The following CMKLR2 variants were observed in gnomAD, a reference collection of about 807,000 sequenced individuals.
CMKLR2 encodes the protein chemerin-like receptor 2.
CMKLR2 carries 18 observed loss-of-function variants against 23.0 expected under a neutral mutation model. The observed-to-expected ratio is 0.78, with a 90% CI of 0.54 to 1.16. The LOEUF (loss-of-function observed/expected upper bound fraction) is 1.16, where lower values mean the gene tolerates loss of function less well. CMKLR2 is among the 50% of genes most tolerant of loss of function. The probability of loss-of-function intolerance (pLI) is 0.00; values close to 1 mark genes in which losing one functional copy is unlikely to be tolerated. For missense variants in CMKLR2, 401 were observed against 412.7 expected, an observed-to-expected ratio of 0.97 and a Z score of 0.25; for synonymous variants, 158 against 158.9, an observed-to-expected ratio of 0.99 and a Z score of 0.05.
intron 1 of CMKLR2, among the ~76,000 whole-genome samples, chr2:206,204,332 C>A (rs1355204777): frequency 1.6e-5 from 2 of 123,520 alleles, no homozygotes; most frequent in Admixed American, 2.1e-4. Context: ...CCAGCCTGGG[C>A]GACAGAGCGA....
At chr2:206,186,097 G>A (rs942901892) in intron 1 of CMKLR2, among the ~76,000 whole-genome samples, 5 of 146,284 alleles carry the variant, frequency 3.4e-5, no homozygotes, top group African/African-American at 7.5e-5. Flanking sequence ...TCACAAAACC[G>A]TGTGGGTCTG....
intron 1 of CMKLR2, among the ~76,000 whole-genome samples, 189 bp from the exon 2 acceptor site, chr2:206,177,464 C>T (rs1688270538): frequency 6.6e-6 from 1 of 152,138 alleles, no homozygotes; most frequent in African/African-American, 2.4e-5. Context: ...TTTTGGCTCA[C>T]TGCAGCCTTG....
At chr2:206,192,409 T>C (rs557741179) in intron 1 of CMKLR2, among the ~76,000 whole-genome samples, 1 of 151,492 alleles carries the variant, frequency 6.6e-6, no homozygotes, top group Admixed American at 6.6e-5. Flanking sequence ...ATTTTTATTT[T>C]TCTGTTTATT....
At chr2:206,190,071 T>C (rs919268774) in intron 1 of CMKLR2, among the ~76,000 whole-genome samples, 1 of 152,134 alleles carries the variant, frequency 6.6e-6, no homozygotes, top group Non-Finnish European at 1.5e-5. Context: ...CTGCTGCCAG[T>C]TGGGAGGTGG....
chr2:206,212,268 A>G lies in CMKLR2; in HGVS notation c.-29+1039T>C, dbSNP rs181202872. Among the ~76,000 whole-genome samples, 35 of 152,340 alleles carry G rather than the reference A, an allele frequency of 2.3e-4. No homozygotes were observed. The East Asian group carries it at 5.8e-3, about 25-fold the overall frequency. ...TAAACTAAATGACTTAAATCAGATA[A>G]AATCATAAAATAGGCCATGAAAAAC... is the stretch of plus-strand genomic sequence containing the variant. On this transcript the variant is annotated intron_variant, in intron 1 of 1. Transcript: ENST00000621141.
rs201447036 is a variant in CMKLR2, at chr2:206,211,771, AG to A, written c.-29+1535del. Among the ~76,000 whole-genome samples, 1,108 of 144,478 alleles carry A rather than the reference AG, an allele frequency of 7.7e-3. 11 individuals are homozygous for A. The highest frequency in any genetic ancestry group is 0.023 in the African/African-American group (883 of 39,146). 94.8% of individuals were successfully genotyped at this position (144,478 alleles called of 152,430 possible). On this transcript the variant is annotated intron_variant, in intron 1 of 1. Transcript: ENST00000621141. ...ACAAAAAAACACACACATTAAAAAA[AG>A]AAAAAGAAAAAAAGATGGCATATAA...
At chr2:206,195,902 C>T (rs184990097) in intron 1 of CMKLR2, among the ~76,000 whole-genome samples, 40 of 151,618 alleles carry the variant, frequency 2.6e-4, no homozygotes, top group Non-Finnish European at 4.4e-5. Context: ...TGCAGTGAGC[C>T]GAGATCACAC....
At chr2:206,187,401 G>A (rs563775984) in intron 1 of CMKLR2, among the ~76,000 whole-genome samples, 1 of 152,224 alleles carries the variant, frequency 6.6e-6, no homozygotes, top group Non-Finnish European at 1.5e-5. Flanking sequence ...CTTACAGGTA[G>A]GAATTGACAG....
At position 206,201,320 on chromosome 2, in the gene CMKLR2, TC is replaced by T. The variant is rs1689088916; in HGVS notation, c.-29+11986del. 2.0e-5 allele frequency among the ~76,000 whole-genome samples: 3 copies of T among 152,332 alleles called. No homozygotes were observed. In the South Asian group the frequency reaches 6.2e-4, roughly 32 times the overall value. On this transcript the variant is annotated intron_variant, in intron 1 of 1. Transcript: ENST00000621141. ...GCAAATAATCTTCTCCAACAGGTTT[TC>T]CTAGCAGATAATGTGTCTAGGCAGA...
intron 1 of CMKLR2, among the ~76,000 whole-genome samples, chr2:206,183,875 G>A (rs1379488018): frequency 6.6e-6 from 1 of 152,144 alleles, no homozygotes; most frequent in Non-Finnish European, 1.5e-5. Context: ...CCAGATCTAA[G>A]TAAGTTTCCA....
intron 1 of CMKLR2, among the ~76,000 whole-genome samples, chr2:206,205,981 G>A (rs1401704068): frequency 6.6e-6 from 1 of 152,184 alleles, no homozygotes; most frequent in Non-Finnish European, 1.5e-5. Flanking sequence ...TTACAGGCAT[G>A]AGCCACTGCG....
intron 1 of CMKLR2, among the ~76,000 whole-genome samples, chr2:206,180,767 T>TATTATTATTATA (rs1167415020): frequency 6.7e-6 from 1 of 148,332 alleles, no homozygotes; most frequent in Non-Finnish European, 1.5e-5. Context: ...TTATTATTAT[T>TATTATTATTATA]ATTTTGAGAC....
intron 1 of CMKLR2, among the ~76,000 whole-genome samples, chr2:206,194,585 G>A (rs1688857786): frequency 6.7e-6 from 1 of 148,662 alleles, no homozygotes; most frequent in African/African-American, 2.5e-5. Flanking sequence ...AGTCTCCCAA[G>A]TAGCCACGCC....
At chr2:206,185,275 T>G (rs775453046) in intron 1 of CMKLR2, among the ~76,000 whole-genome samples, 1 of 152,198 alleles carries the variant, frequency 6.6e-6, no homozygotes, top group Non-Finnish European at 1.5e-5. Context: ...CTTAAGCCAC[T>G]GCACCCAGCC....
rs1253977269 is a variant in CMKLR2 at position 206,207,657 on chromosome 2, A to G, written c.-29+5650T>C. On this transcript the variant is annotated intron_variant, in intron 1 of 1. Coordinates refer to ENST00000621141, the MANE Select transcript of CMKLR2 (RefSeq NM_001389445.1). ...GTACTGTTATTATTCCTACAAGGCT[A>G]AGAGAGCTTTGGCACTTAGCAAAAG... 2.0e-5 allele frequency among the ~76,000 whole-genome samples: 3 copies of G among 147,032 alleles called. No individual in the cohort carries two copies. The Admixed American group carries it at 2.0e-4, about 10-fold the overall frequency.
intron 1 of CMKLR2, among the ~76,000 whole-genome samples, chr2:206,210,808 G>C (rs1245758582): frequency 6.6e-6 from 1 of 152,094 alleles, no homozygotes; most frequent in Non-Finnish European, 1.5e-5. Context: ...AAAAAGCTCT[G>C]TCAACTCTCA....
chr2:206,209,528 C>T (rs191376073), intron 1 of CMKLR2, among the ~76,000 whole-genome samples: 1 of 152,116 alleles, frequency 6.6e-6, no homozygotes, highest in Non-Finnish European at 1.5e-5. Flanking sequence ...CTGATGCTCT[C>T]TTTCCCCTAG....
upstream of CMKLR2, among the ~76,000 whole-genome samples, chr2:206,217,053 A>T (rs776962256): frequency 6.6e-6 from 1 of 152,170 alleles, no homozygotes; most frequent in Non-Finnish European, 1.5e-5. Context: ...AGTCATATTA[A>T]TTTTTGTCAG....
upstream of CMKLR2, among the ~76,000 whole-genome samples, chr2:206,214,645 A>G (rs1486308303): frequency 1.3e-5 from 2 of 151,010 alleles, no homozygotes; most frequent in Non-Finnish European, 3.0e-5. Flanking sequence ...TTTTTTTGAG[A>G]CGGAGTCTCG....
Sources: gnomAD v4.1 joint callset for allele counts (sites outside exome capture counted in the v4.1 genomes callset) on GRCh38, gnomAD v4.1.1 for gene constraint, MANE v1.5 for transcripts, NCBI Gene and HGNC (gene_info 2026-07-23, HGNC 2026-07-21) for gene names.